Variants in AGBL4 observed in about 807,000 individuals in gnomAD.
AGBL4 encodes cytosolic carboxypeptidase 6.
AGBL4 carries 58 observed loss-of-function variants against 66.4 expected under a neutral mutation model. The ratio of observed to expected loss-of-function variants is 0.87; its 90% confidence interval spans 0.71 to 1.09. AGBL4 has a LOEUF of 1.09. Ranked by LOEUF, AGBL4 falls within the 50% of genes least tolerant of loss-of-function variation. AGBL4 has a pLI of 0.00. For synonymous variants in AGBL4, 234 were observed against 222.9 expected (o/e 1.05, Z -0.44); for missense variants, 579 against 631.0 (o/e 0.92, Z 0.88).
chr1:48,795,620 T>C (rs113900468), intron 6 of AGBL4, among the ~76,000 whole-genome samples: 57 of 152,346 alleles, frequency 3.7e-4, no homozygotes, highest in African/African-American at 1.3e-3. Context: ...GTTCTACATA[T>C]ATTCATTTGT....
intron 1 of AGBL4, among the ~76,000 whole-genome samples, chr1:49,866,181 T>C (rs895025602): frequency 2.6e-5 from 4 of 152,062 alleles, no homozygotes; most frequent in South Asian, 2.1e-4. Flanking sequence ...TTGGAAAACA[T>C]ACCTCAGAAT....
intron 2 of AGBL4, among the ~76,000 whole-genome samples, chr1:49,723,838 G>A (rs1385518554): frequency 6.6e-6 from 1 of 152,062 alleles, no homozygotes; most frequent in Non-Finnish European, 1.5e-5. Context: ...TAACCTCCAT[G>A]AAATTCAGCT....
At chr1:49,470,394 A>G (rs895774339) in intron 3 of AGBL4, among the ~76,000 whole-genome samples, 2 of 151,978 alleles carry the variant, frequency 1.3e-5, no homozygotes, top group African/African-American at 4.8e-5. Context: ...AGGAGAAACT[A>G]ATTTACTATC....
chr1:49,700,796 A>C (rs1174549832), intron 2 of AGBL4, among the ~76,000 whole-genome samples: 1 of 152,172 alleles, frequency 6.6e-6, no homozygotes, highest in Non-Finnish European at 1.5e-5. Flanking sequence ...ATACATATAT[A>C]GTTACAGATG....
intron 6 of AGBL4, chr1:48,742,892 T>C (rs1650137361): frequency 4.1e-6 from 4 of 971,828 alleles, no homozygotes; most frequent in Non-Finnish European, 5.7e-6. Flanking sequence ...TTTTTGTCCA[T>C]TGAACTACAC....
At chr1:48,850,531 TG>T (rs1647011284) in intron 6 of AGBL4, among the ~76,000 whole-genome samples, 2 of 152,216 alleles carry the variant, frequency 1.3e-5, no homozygotes, top group Non-Finnish European at 2.9e-5. Flanking sequence ...TGTTTGGTTT[TG>T]TTTTTGTTTT....
At chr1:49,542,893 C>A in intron 3 of AGBL4, among the ~76,000 whole-genome samples, 1 of 67,704 alleles carries the variant, frequency 1.5e-5, no homozygotes, top group Non-Finnish European at 2.4e-5. Context: ...AGTAAGACTC[C>A]ATCAAAAAAA....
At chr1:48,654,813 G>A (rs1645992277) in intron 7 of AGBL4, among the ~76,000 whole-genome samples, 1 of 152,232 alleles carries the variant, frequency 6.6e-6, no homozygotes, top group African/African-American at 2.4e-5. Flanking sequence ...CTGAAAGCCA[G>A]TTGGACATCA....
In AGBL4 at chr1:49,933,443, C is replaced by CA. The variant is rs1352475987; in HGVS notation, c.35-81926dup. On this transcript the variant is annotated intron_variant, in intron 1 of 13. Transcript: ENST00000371839. ...AGAATGAAAAGGTGCTAAACAGCAA[C>CA]ACAAAAGCATATGAAAGTAAAAAAC... is the stretch of plus-strand genomic sequence containing the variant. Among the ~76,000 whole-genome samples the CA allele has an allele frequency of 4.0e-5, 6 of 151,788 alleles. No homozygotes were observed. The East Asian group carries it at 9.6e-4, about 24-fold the overall frequency.
chr1:49,414,751 C>T (rs1229365866), intron 3 of AGBL4, among the ~76,000 whole-genome samples: 1 of 152,142 alleles, frequency 6.6e-6, no homozygotes, highest in Non-Finnish European at 1.5e-5. Flanking sequence ...ACTTACTTAA[C>T]CTCTTTCTAG....
chr1:49,826,531 A>G (rs1356185335), intron 2 of AGBL4, among the ~76,000 whole-genome samples: 2 of 152,242 alleles, frequency 1.3e-5, no homozygotes, highest in African/African-American at 4.8e-5. Flanking sequence ...AGTTGATGAC[A>G]AAGCAAGGAA....
chr1:49,710,157 A>G (rs1276621343), intron 2 of AGBL4, among the ~76,000 whole-genome samples: 1 of 152,192 alleles, frequency 6.6e-6, no homozygotes, highest in Non-Finnish European at 1.5e-5. Context: ...TTATTGAGGC[A>G]CTGTTCACAA....
intron 9 of AGBL4, among the ~76,000 whole-genome samples, chr1:48,611,216 G>A (rs530153913): frequency 8.5e-5 from 13 of 152,260 alleles, no homozygotes; most frequent in Non-Finnish European, 1.3e-4. Flanking sequence ...CTTCCTGGCA[G>A]AGGCCCACAC....
At chr1:48,805,202 T>A (rs956018494) in intron 6 of AGBL4, among the ~76,000 whole-genome samples, 2 of 152,176 alleles carry the variant, frequency 1.3e-5, no homozygotes, top group Non-Finnish European at 2.9e-5. Context: ...ATGTGAGAAG[T>A]GCTCTGGGGT....
intron 5 of AGBL4, among the ~76,000 whole-genome samples, chr1:48,954,194 G>A (rs151292447): frequency 3.9e-5 from 6 of 152,220 alleles, no homozygotes; most frequent in Non-Finnish European, 5.9e-5. Context: ...TCTGAATCCC[G>A]GAAGACTTGA....
chr1:49,302,621 TTA>T (rs1487458119), intron 3 of AGBL4, among the ~76,000 whole-genome samples: 4 of 109,410 alleles, frequency 3.7e-5, no homozygotes, highest in Middle Eastern at 4.2e-3. Flanking sequence ...TTATTTTATT[TTA>T]TTTTATTTTA....
At chr1:49,936,311 A>G (rs1353256503) in intron 1 of AGBL4, among the ~76,000 whole-genome samples, 3 of 152,114 alleles carry the variant, frequency 2.0e-5, no homozygotes, top group Non-Finnish European at 1.5e-5. Context: ...GAAACGAACA[A>G]AGCCTCCAAG....
At chr1:49,949,732 G>A (rs1254971029) in intron 1 of AGBL4, among the ~76,000 whole-genome samples, 3 of 151,466 alleles carry the variant, frequency 2.0e-5, no homozygotes, top group Admixed American at 1.3e-4. Context: ...AGTGAACAGG[G>A]AACACTTCTA....
At chr1:49,839,658 G>A (rs1245001641) in intron 2 of AGBL4, among the ~76,000 whole-genome samples, 1 of 152,186 alleles carries the variant, frequency 6.6e-6, no homozygotes, top group Non-Finnish European at 1.5e-5. Context: ...CCAGAGAGAG[G>A]TGGAGTAGTT....
Sources: allele counts gnomAD v4.1 joint callset (sites outside exome capture counted in the v4.1 genomes callset), GRCh38; gene constraint gnomAD v4.1.1; transcripts MANE v1.5; gene names NCBI Gene and HGNC (gene_info 2026-07-23, HGNC 2026-07-21).